AFAP1L2: variants seen among roughly 807,000 people sequenced by gnomAD.
AFAP1L2 encodes the protein actin filament associated protein 1 like 2, also known as actin filament-associated protein 1-like 2.
Under a neutral mutation model 99.3 loss-of-function variants are expected in AFAP1L2, and 46 were observed. The ratio of observed to expected loss-of-function variants is 0.46; its 90% CI spans 0.37 to 0.59. AFAP1L2 has a LOEUF of 0.59. Ranked by LOEUF, AFAP1L2 falls within the 20% of genes least tolerant of loss-of-function variation. AFAP1L2 has a pLI of 0.00. For missense variants in AFAP1L2, 959 were observed against 1,034.9 expected (o/e 0.93, Z 1.01); for synonymous variants, 397 against 419.1 (o/e 0.95, Z 0.64).
intron 5 of AFAP1L2, among the ~76,000 whole-genome samples, chr10:114,317,113 C>G (rs1363040659): frequency 2.6e-5 from 2 of 76,826 alleles, no homozygotes; most frequent in Non-Finnish European, 6.4e-5. Flanking sequence ...AGCCCTTTCT[C>G]CTATCTGTAT....
chr10:114,296,383 G>A (rs2040234414), intron 18 of AFAP1L2: 1 of 387,988 alleles, frequency 2.6e-6, no homozygotes, highest in Non-Finnish European at 4.7e-6. Flanking sequence ...AGGTAAGGAG[G>A]ATAGGAATAA....
At chr10:114,359,156 A>T (rs552570682) in intron 1 of AFAP1L2, among the ~76,000 whole-genome samples, 7 of 152,318 alleles carry the variant, frequency 4.6e-5, no homozygotes, top group Middle Eastern at 3.4e-3. Context: ...TGTGATTAGG[A>T]TTCCTGGTGT....
chr10:114,289,080 C>A, the AFAP1L2 span: 1 of 1,614,190 alleles, frequency 6.2e-7, no homozygotes, highest in African/African-American at 1.3e-5. Flanking sequence ...CACAGGTCGG[C>A]CTGGTGGTGT....
chr10:114,355,999 T>C (rs760400935), intron 1 of AFAP1L2, among the ~76,000 whole-genome samples: 1 of 152,136 alleles, frequency 6.6e-6, no homozygotes, highest in African/African-American at 2.4e-5. Context: ...GGTGTATGTG[T>C]GTGTGCATCA....
chr10:114,286,924 A>G, the AFAP1L2 span, among the ~76,000 whole-genome samples: 1 of 152,204 alleles, frequency 6.6e-6, no homozygotes, highest in South Asian at 2.1e-4. Flanking sequence ...TGGTGCACAC[A>G]TGCACATGTA....
chr10:114,305,867 C>G lies in AFAP1L2; in HGVS notation c.1073-937G>C, dbSNP rs2042238014. 4.5e-5 allele frequency among the ~76,000 whole-genome samples: 5 copies of G among 111,308 alleles called. No homozygotes were observed. In the Admixed American group the frequency reaches 5.6e-4, roughly 13 times the overall value. The allele number at this position is 111,308 out of a possible 152,430, so 73.0% of individuals were successfully genotyped here. A position where few individuals can be genotyped will look rare whatever the true frequency, so the allele number is the denominator to read the frequency against. On this transcript the variant is annotated intron_variant, in intron 10 of 18. Transcript: ENST00000304129. ...GCGGGTGCAGGAGGGGACGCGGGTG[C>G]AGGAGGGGGCGCAGGGGCAGGAGGG... is the stretch of plus-strand genomic sequence containing the variant.
intron 1 of AFAP1L2, among the ~76,000 whole-genome samples, chr10:114,356,161 C>A (rs1296574391): frequency 6.6e-6 from 1 of 152,156 alleles, no homozygotes; most frequent in Non-Finnish European, 1.5e-5. Context: ...TTTTGAAATT[C>A]AGTGTATTTT....
At chr10:114,300,132 T>A in intron 15 of AFAP1L2, 62 bp downstream of exon 15, 1 of 1,605,852 alleles carries the variant, frequency 6.2e-7, no homozygotes, top group Non-Finnish European at 8.5e-7. Context: ...ATTAGTTCTG[T>A]CCCTCTAGAG....
chr10:114,380,143 C>A (rs1176563252), intron 1 of AFAP1L2, among the ~76,000 whole-genome samples: 1 of 152,188 alleles, frequency 6.6e-6, no homozygotes, highest in Non-Finnish European at 1.5e-5. Flanking sequence ...GTCCGAGAGG[C>A]TTTCATTCCA....
chr10:114,386,822 G>A (rs1304750457), intron 1 of AFAP1L2, among the ~76,000 whole-genome samples: 5 of 152,250 alleles, frequency 3.3e-5, no homozygotes, highest in African/African-American at 1.2e-4. Flanking sequence ...GGCCATGTGG[G>A]CCTCGGTCCT....
intron 1 of AFAP1L2, among the ~76,000 whole-genome samples, chr10:114,341,956 G>A (rs187555833): frequency 6.6e-6 from 1 of 152,290 alleles, no homozygotes; most frequent in African/African-American, 2.4e-5. Flanking sequence ...TTATTAGAAA[G>A]CTTTAGAACA....
In AFAP1L2 at chr10:114,294,972, C is replaced by A; in HGVS notation, c.*1070G>T. The stretch of plus-strand genomic sequence containing the variant: ...GTTAGAGAACTGATACACAACCCTC[C>A]AGAAATGAGGCAGAGATAATAGATG... On this transcript the variant is annotated 3_prime_UTR_variant, in exon 19 of 19. Transcript: ENST00000304129. The A allele has an allele frequency of 1.0e-6, 1 of 979,990 alleles. No homozygotes were observed. Among genetic ancestry groups the A allele is most frequent in the Non-Finnish European group, 1.2e-6 (1 of 828,412 alleles). The allele number at this position is 979,990 out of a possible 1,614,324, so 60.7% of individuals were successfully genotyped here. A position where few individuals can be genotyped will look rare whatever the true frequency, so the allele number is the denominator to read the frequency against.
At chr10:114,403,156 G>A (rs190387182) in intron 1 of AFAP1L2, among the ~76,000 whole-genome samples, 7 of 152,362 alleles carry the variant, frequency 4.6e-5, no homozygotes, top group Admixed American at 3.3e-4. Flanking sequence ...GCTCCAGGGA[G>A]GGTTCACAGA....
intron 2 of AFAP1L2, among the ~76,000 whole-genome samples, chr10:114,337,710 G>A (rs564483752): frequency 1.3e-5 from 2 of 152,236 alleles, no homozygotes; most frequent in Non-Finnish European, 2.9e-5. Flanking sequence ...TGTAGGAGGC[G>A]CTGCCAGAGT....
At chr10:114,286,300 TG>T in the AFAP1L2 span, 125 of 1,610,474 alleles carry the variant, frequency 7.8e-5, 1 homozygote, top group Admixed American at 2.1e-3. Context: ...TTTTGCTCAC[TG>T]AGTCACACTC....
chr10:114,353,343 C>T (rs144857187), intron 1 of AFAP1L2, among the ~76,000 whole-genome samples: 208 of 152,322 alleles, frequency 1.4e-3, no homozygotes, highest in African/African-American at 4.2e-3. Flanking sequence ...TCTTCTATAC[C>T]ACTCAGTAAT....
intron 13 of AFAP1L2, among the ~76,000 whole-genome samples, 176 bp downstream of exon 13, chr10:114,301,178 C>T (rs1459288153): frequency 6.6e-6 from 1 of 152,246 alleles, no homozygotes; most frequent in African/African-American, 2.4e-5. Flanking sequence ...TGCACAGCCT[C>T]ACATATAGGA....
downstream of AFAP1L2, among the ~76,000 whole-genome samples, chr10:114,292,291 T>C (rs902251658): frequency 1.3e-5 from 2 of 151,410 alleles, no homozygotes; most frequent in Non-Finnish European, 2.9e-5. Flanking sequence ...AAGAAAAAAA[T>C]GTACTTAGGA....
At chr10:114,381,570 G>GT (rs994861670) in intron 1 of AFAP1L2, among the ~76,000 whole-genome samples, 28 of 152,208 alleles carry the variant, frequency 1.8e-4, no homozygotes, top group Admixed American at 9.8e-4. Flanking sequence ...CAATAAAGCT[G>GT]TTTTTTAAAA....
Sources: gnomAD v4.1 joint callset for allele counts (sites outside exome capture counted in the v4.1 genomes callset) on GRCh38, gnomAD v4.1.1 for gene constraint, MANE v1.5 for transcripts, NCBI Gene and HGNC (gene_info 2026-07-23, HGNC 2026-07-21) for gene names.